The following SORCS3 variants were observed in gnomAD, a reference collection of about 807,000 sequenced individuals.
SORCS3 encodes the protein VPS10 domain-containing receptor SorCS3.
In SORCS3, 57 loss-of-function variants were observed where a neutral mutation model predicts 146.3. The ratio of observed to expected loss-of-function variants is 0.39; its 90% CI spans 0.31 to 0.49. The LOEUF (loss-of-function observed/expected upper bound fraction) is 0.49, where lower values mean the gene tolerates loss of function less well. Among genes scored for constraint, SORCS3 ranks in the 20% least tolerant of loss-of-function variants. The pLI is 0.92. For missense variants in SORCS3, 1,341 were observed against 1,575.5 expected (o/e 0.85, Z 2.52); for synonymous variants, 653 against 618.5 (o/e 1.06, Z -0.83).
chr10:104,795,595 A>G (rs960649888), intron 1 of SORCS3, among the ~76,000 whole-genome samples: 3 of 152,248 alleles, frequency 2.0e-5, no homozygotes, highest in African/African-American at 4.8e-5. Flanking sequence ...ATGGTACAAC[A>G]TGGTGTAGAA....
chr10:105,242,029 T>G (rs1012862667), intron 20 of SORCS3, among the ~76,000 whole-genome samples: 1 of 151,908 alleles, frequency 6.6e-6, no homozygotes, highest in Non-Finnish European at 1.5e-5. Flanking sequence ...AAACCGTCTT[T>G]AGCTTGGAGG....
intron 2 of SORCS3, among the ~76,000 whole-genome samples, chr10:104,880,903 T>A (rs1263819059): frequency 2.0e-5 from 3 of 152,162 alleles, no homozygotes; most frequent in Admixed American, 2.0e-4. Context: ...ACTGTGTGTT[T>A]GTCACTCTGT....
intron 5 of SORCS3, among the ~76,000 whole-genome samples, chr10:105,063,842 C>T (rs947282719): frequency 6.6e-6 from 1 of 152,166 alleles, no homozygotes; most frequent in Non-Finnish European, 1.5e-5. Context: ...TGAAAGAAGC[C>T]TGGAGAAGTA....
intron 4 of SORCS3, among the ~76,000 whole-genome samples, chr10:105,005,902 A>G (rs1440459366): frequency 1.3e-5 from 2 of 152,130 alleles, no homozygotes; most frequent in South Asian, 2.1e-4. Flanking sequence ...CCGGGTTTCT[A>G]TTCATTTCCT....
intron 1 of SORCS3, among the ~76,000 whole-genome samples, chr10:104,694,306 G>T (rs146777628): frequency 2.2e-3 from 340 of 151,386 alleles, no homozygotes; most frequent in Non-Finnish European, 3.8e-3. Context: ...GAAGTGACAG[G>T]GTATTAGGGA....
intron 4 of SORCS3, among the ~76,000 whole-genome samples, chr10:105,022,058 T>C (rs1194431215): frequency 6.6e-6 from 1 of 152,042 alleles, no homozygotes; most frequent in African/African-American, 2.4e-5. Context: ...GAGGGATAAA[T>C]AGGCAGAGCA....
chr10:105,072,655 CTCTCT>C (rs1554874840), intron 5 of SORCS3, among the ~76,000 whole-genome samples: 2 of 21,472 alleles, frequency 9.3e-5, no homozygotes, highest in Non-Finnish European at 9.8e-5. Context: ...CTTTCTCTCT[CTCTCT>C]TTTTTTTTTT....
At chr10:105,161,167 T>C (rs1196283945) in intron 11 of SORCS3, among the ~76,000 whole-genome samples, 2 of 152,216 alleles carry the variant, frequency 1.3e-5, no homozygotes, top group African/African-American at 2.4e-5. Flanking sequence ...TTCTTGAGGC[T>C]TTTTGCCATG....
chr10:105,259,752 G>A (rs1349283275), intron 25 of SORCS3, among the ~76,000 whole-genome samples: 3 of 151,996 alleles, frequency 2.0e-5, no homozygotes, highest in South Asian at 4.1e-4. Context: ...TTTCCTTATA[G>A]TCCAAAGCCC....
At chr10:104,986,791 AT>A (rs1344185528) in intron 4 of SORCS3, among the ~76,000 whole-genome samples, 3 of 152,210 alleles carry the variant, frequency 2.0e-5, no homozygotes, top group Non-Finnish European at 4.4e-5. Context: ...TAAGTGAACC[AT>A]TTTCTACAGG....
chr10:105,128,091 G>T (rs2055989121), intron 7 of SORCS3, among the ~76,000 whole-genome samples: 1 of 152,132 alleles, frequency 6.6e-6, no homozygotes, highest in Non-Finnish European at 1.5e-5. Context: ...AGTAAAGCAG[G>T]TTTCTTGGTA....
chr10:104,896,630 A>G (rs1156810459), intron 2 of SORCS3, among the ~76,000 whole-genome samples: 1 of 152,280 alleles, frequency 6.6e-6, no homozygotes, highest in Non-Finnish European at 1.5e-5. Flanking sequence ...CCCACAGGCC[A>G]AATGTAGCCC....
Position 105,248,713 on chromosome 10 carries a change from C to CAA in SORCS3, c.3105+1399_3105+1400dup, listed in dbSNP as rs35611802. 0.015 allele frequency among the ~76,000 whole-genome samples: 1,684 copies of CAA among 109,976 alleles called. 130 individuals are homozygous for CAA. In the East Asian group the frequency reaches 0.24, roughly 15 times the overall value. The allele number at this position is 109,976 out of a possible 152,430, so 72.1% of individuals were successfully genotyped here. On this transcript the variant is annotated intron_variant, in intron 22 of 26. Coordinates refer to ENST00000369701, the MANE Select transcript of SORCS3 (RefSeq NM_014978.3). Reference sequence around the variant, plus strand: ...CTGGTGACAGAGTGAGACTCCATCTCAAAAAAAAAAAAAAAAAAGAGTACA... The same window carrying CAA: ...CTGGTGACAGAGTGAGACTCCATCTCAAAAAAAAAAAAAAAAAAAAGAGTACA...
intron 1 of SORCS3, among the ~76,000 whole-genome samples, chr10:104,649,767 G>A (rs1589446538): frequency 6.6e-6 from 1 of 152,204 alleles, no homozygotes; most frequent in Non-Finnish European, 1.5e-5. Flanking sequence ...ATATTCATTA[G>A]ATGATTACAC....
intron 4 of SORCS3, among the ~76,000 whole-genome samples, chr10:104,978,309 TCAAA>T (rs1390186394): frequency 6.6e-6 from 1 of 152,118 alleles, no homozygotes; most frequent in Non-Finnish European, 1.5e-5. Context: ...AAGGGAAGCT[TCAAA>T]CAAAGTCCAT....
intron 3 of SORCS3, among the ~76,000 whole-genome samples, chr10:104,960,576 A>G (rs1370175782): frequency 1.3e-5 from 2 of 152,138 alleles, no homozygotes; most frequent in South Asian, 2.1e-4. Flanking sequence ...TGCGCCCATA[A>G]TAATCCATTA....
chr10:105,129,331 C>CTT (rs71022753), intron 7 of SORCS3, among the ~76,000 whole-genome samples: 1,322 of 104,618 alleles, frequency 0.013, 39 homozygotes, highest in African/African-American at 0.048. Context: ...CTTTCTTTCT[C>CTT]TTTTTTTTTT....
At chr10:105,025,839 C>CACACAT (rs1271398014) in intron 4 of SORCS3, among the ~76,000 whole-genome samples, 1 of 97,200 alleles carries the variant, frequency 1.0e-5, no homozygotes, top group Non-Finnish European at 2.2e-5. Context: ...TCTTCTCAAA[C>CACACAT]ACACACACAC....
chr10:104,971,333 GA>G (rs1198132885), intron 3 of SORCS3, among the ~76,000 whole-genome samples: 1 of 152,228 alleles, frequency 6.6e-6, no homozygotes, highest in Non-Finnish European at 1.5e-5. Context: ...TTTGGACTAA[GA>G]CAATCGCAAT....
Sources: allele counts gnomAD v4.1 joint callset (sites outside exome capture counted in the v4.1 genomes callset), GRCh38; gene constraint gnomAD v4.1.1; transcripts MANE v1.5; gene names NCBI Gene and HGNC (gene_info 2026-07-23, HGNC 2026-07-21).